USP30: variants seen among roughly 807,000 people sequenced by gnomAD.
The protein encoded by USP30 is ubiquitin carboxyl-terminal hydrolase 30.
In USP30, 41 loss-of-function variants were observed where a neutral mutation model predicts 68.2. The observed-to-expected ratio is 0.60, with a 90% CI of 0.47 to 0.78. The LOEUF is 0.78. Among genes scored for constraint, USP30 ranks in the 30% least tolerant of loss-of-function variants. The probability of loss-of-function intolerance (pLI) is 0.00; values close to 1 mark genes in which losing one functional copy is unlikely to be tolerated. For synonymous variants in USP30, 229 were observed against 253.7 expected (o/e 0.90, Z 0.93); for missense variants, 522 against 649.4 (o/e 0.80, Z 2.13).
At chr12:109,074,646 T>G (rs992131261) in intron 7 of USP30, among the ~76,000 whole-genome samples, 2 of 152,258 alleles carry the variant, frequency 1.3e-5, no homozygotes, top group African/African-American at 4.8e-5. Flanking sequence ...TATTGAGATC[T>G]AATCGACAAT....
Position 109,087,901 on chromosome 12 carries a change from G to T in USP30, c.*1970G>T. The T allele has an allele frequency of 5.3e-6, 1 of 188,874 alleles. No homozygotes were observed. 11.7% of individuals were successfully genotyped at this position (188,874 alleles called of 1,614,324 possible). Reference sequence around the variant, plus strand: ...ATTTTCAAAGTAAGTAGCTTCTTTTGGGAAAAACCTAAGTTAAACTAGTAG... The same window carrying T: ...ATTTTCAAAGTAAGTAGCTTCTTTTTGGAAAAACCTAAGTTAAACTAGTAG... On this transcript the variant is annotated 3_prime_UTR_variant, in exon 13 of 13. Transcript: ENST00000257548.
chr12:109,063,218 GC>G (rs1222667397), intron 3 of USP30, among the ~76,000 whole-genome samples: 1 of 152,084 alleles, frequency 6.6e-6, no homozygotes, highest in African/African-American at 2.4e-5. Context: ...TCCTGCCTCA[GC>G]CTTCCGAGTA....
intron 3 of USP30, among the ~76,000 whole-genome samples, chr12:109,065,818 A>G (rs901926557): frequency 1.3e-4 from 20 of 152,248 alleles, no homozygotes; most frequent in African/African-American, 4.8e-4. Flanking sequence ...GCTGTGTTAC[A>G]TGACTGTTTC....
At chr12:109,071,337 G>A (rs1431267671) in intron 4 of USP30, among the ~76,000 whole-genome samples, 1 of 152,204 alleles carries the variant, frequency 6.6e-6, no homozygotes, top group African/African-American at 2.4e-5. Flanking sequence ...GGAGGTCAAG[G>A]CTGTCTCAGT....
At chr12:109,039,082 A>G (rs913249514) in intron 3 of USP30, among the ~76,000 whole-genome samples, 13 of 152,196 alleles carry the variant, frequency 8.5e-5, no homozygotes, top group African/African-American at 3.1e-4. Context: ...TTTTGAAAAG[A>G]AAAATTTTAA....
At chr12:109,054,860 A>G (rs2040792455) in intron 1 of USP30, 1 of 152,222 alleles carries the variant, frequency 6.6e-6, no homozygotes, top group African/African-American at 2.4e-5. Context: ...ACAAATATTT[A>G]TCTGAAATTC....
At chr12:109,054,065 C>T (rs2040761949) in intron 1 of USP30, 1 of 456,046 alleles carries the variant, frequency 2.2e-6, no homozygotes, top group Middle Eastern at 3.3e-4. Context: ...CAGGGCCTGG[C>T]AGAGAGTATG....
intron 3 of USP30, among the ~76,000 whole-genome samples, chr12:109,063,528 A>C (rs373757433): frequency 4.2e-4 from 64 of 152,364 alleles, no homozygotes; most frequent in African/African-American, 1.5e-3. Flanking sequence ...ATTAGTGTCC[A>C]AATTCCCTGC....
At chr12:109,054,225 G>A (rs1021216573) in intron 1 of USP30, among the ~76,000 whole-genome samples, 2 of 152,136 alleles carry the variant, frequency 1.3e-5, no homozygotes, top group African/African-American at 4.8e-5. Flanking sequence ...GAAACTTCAA[G>A]AATACCTTTC....
upstream of USP30, chr12:109,047,712 T>C (rs1404132900): frequency 6.6e-6 from 1 of 152,156 alleles, no homozygotes; most frequent in Admixed American, 6.5e-5. Context: ...CAGAGTGTGT[T>C]GGGTAAGTGT....
upstream of USP30, among the ~76,000 whole-genome samples, chr12:109,050,005 G>A (rs538452243): frequency 4.6e-4 from 69 of 151,518 alleles, no homozygotes; most frequent in African/African-American, 1.6e-3. Context: ...AATAAAACAA[G>A]ATATGCCGGG....
chr12:109,052,538 C>T, upstream of USP30: 1 of 716,244 alleles, frequency 1.4e-6, no homozygotes, highest in Non-Finnish European at 2.0e-6. Context: ...CCCCTGGGAG[C>T]TGTCCTGCGG....
At chr12:109,026,136 T>A (rs944549938) in intron 2 of USP30, among the ~76,000 whole-genome samples, 4 of 152,022 alleles carry the variant, frequency 2.6e-5, no homozygotes, top group African/African-American at 9.7e-5. Context: ...AGTGCAATGA[T>A]GCAATCTCAG....
At chr12:109,063,114 T>C (rs1037441437) in intron 3 of USP30, among the ~76,000 whole-genome samples, 5 of 152,208 alleles carry the variant, frequency 3.3e-5, no homozygotes, top group Admixed American at 1.3e-4. Context: ...CTATTTTTTT[T>C]TTTAAGACAA....
At chr12:109,023,470 G>A (rs917415622) in intron 1 of USP30, among the ~76,000 whole-genome samples, 1 of 151,926 alleles carries the variant, frequency 6.6e-6, no homozygotes, top group Non-Finnish European at 1.5e-5. Context: ...CAGGAAAATC[G>A]CTTGAAGCCA....
At chr12:109,060,087 C>CGATG (rs1367925906) in intron 3 of USP30, 2 of 152,074 alleles carry the variant, frequency 1.3e-5, no homozygotes, top group Non-Finnish European at 2.9e-5. Context: ...ATAAAGTAAT[C>CGATG]GATGGCATAC....
At chr12:109,035,346 A>ATTTGT (rs578062494) in intron 3 of USP30, among the ~76,000 whole-genome samples, 1 of 150,686 alleles carries the variant, frequency 6.6e-6, no homozygotes, top group East Asian at 1.9e-4. Flanking sequence ...CAATTTGTTT[A>ATTTGT]TTTATTTTAT....
chr12:109,086,049 G>GA lies in USP30; in HGVS notation c.*118_*119insA. 6 of 1,421,228 alleles carry GA rather than the reference G, an allele frequency of 4.2e-6. No homozygotes were observed. The highest frequency in any genetic ancestry group is 5.6e-6 in the Non-Finnish European group (6 of 1,076,272). The allele number at this position is 1,421,228 out of a possible 1,614,324, so 88.0% of individuals were successfully genotyped here. ...CTAGAGCCTTCCAGCCTTCTGGTGT[G>GA]TTCTAAGAGCAGGCTCCACCTGGGA... On this transcript the variant is annotated 3_prime_UTR_variant, in exon 13 of 13. Coordinates refer to ENST00000257548, the MANE Select transcript of USP30 (RefSeq NM_032663.5).
intron 2 of USP30, among the ~76,000 whole-genome samples, chr12:109,026,989 C>T (rs1007778500): frequency 2.0e-5 from 3 of 152,168 alleles, no homozygotes; most frequent in Admixed American, 6.5e-5. Flanking sequence ...ACCTGCATGA[C>T]CTTCTGTAAC....
Sources: allele counts gnomAD v4.1 joint callset (sites outside exome capture counted in the v4.1 genomes callset), GRCh38; gene constraint gnomAD v4.1.1; transcripts MANE v1.5; gene names NCBI Gene and HGNC (gene_info 2026-07-23, HGNC 2026-07-21).